Variants in TNRC6A observed in about 807,000 individuals in gnomAD.
The protein encoded by TNRC6A is trinucleotide repeat-containing gene 6A protein.
Under a neutral mutation model 221.2 loss-of-function variants are expected in TNRC6A, and 44 were observed. That is an observed-to-expected ratio of 0.20 (90% CI 0.16 to 0.26). The LOEUF is 0.26. Among genes scored for constraint, TNRC6A ranks in the 10% least tolerant of loss-of-function variants. TNRC6A has a pLI of 1.00. For synonymous variants in TNRC6A, 847 were observed against 838.5 expected (o/e 1.01, Z -0.18); for missense variants, 2,199 against 2,404.4 (o/e 0.91, Z 1.79).
At chr16:24,690,748 T>C (rs1362540745) in intron 2 of TNRC6A, among the ~76,000 whole-genome samples, 1 of 151,978 alleles carries the variant, frequency 6.6e-6, no homozygotes, top group African/African-American at 2.4e-5. Flanking sequence ...CAAGCAACTA[T>C]AATCACTAGT....
intron 2 of TNRC6A, among the ~76,000 whole-genome samples, chr16:24,709,100 TACA>T (rs1206794355): frequency 2.0e-5 from 3 of 151,990 alleles, no homozygotes; most frequent in Admixed American, 6.6e-5. Flanking sequence ...CTACTAAAAA[TACA>T]ACAATTAGCC....
chr16:24,620,932 A>G (rs1900636684), intron 1 of TNRC6A, among the ~76,000 whole-genome samples: 1 of 151,610 alleles, frequency 6.6e-6, no homozygotes, highest in Admixed American at 6.6e-5. Context: ...AAAAATATAA[A>G]AATTAGCTGG....
chr16:24,670,677 A>T (rs1420269721), intron 2 of TNRC6A, among the ~76,000 whole-genome samples: 1 of 151,986 alleles, frequency 6.6e-6, no homozygotes, highest in Admixed American at 6.6e-5. Context: ...CTCTCATTTC[A>T]CTGAAGAAAT....
At chr16:24,708,124 T>C (rs2056133631) in intron 2 of TNRC6A, among the ~76,000 whole-genome samples, 1 of 151,932 alleles carries the variant, frequency 6.6e-6, no homozygotes, top group Non-Finnish European at 1.5e-5. Flanking sequence ...CATAAATTGC[T>C]GGTGAGGATG....
chr16:24,785,871 G>A (rs1164522535), intron 5 of TNRC6A, among the ~76,000 whole-genome samples: 1 of 152,182 alleles, frequency 6.6e-6, no homozygotes, highest in East Asian at 1.9e-4. Flanking sequence ...AGTGACAAGG[G>A]CTGGACTGTC....
chr16:24,656,598 G>A (rs1337587747), intron 2 of TNRC6A, among the ~76,000 whole-genome samples: 1 of 151,896 alleles, frequency 6.6e-6, no homozygotes, highest in Non-Finnish European at 1.5e-5. Flanking sequence ...GGCAGAAATT[G>A]CACAAGTCAA....
intron 22 of TNRC6A, 164 bp from the exon 23 acceptor site, chr16:24,821,912 TG>T: frequency 1.5e-6 from 1 of 645,740 alleles, no homozygotes; most frequent in Non-Finnish European, 2.8e-6. Flanking sequence ...AGTTAATGCC[TG>T]GCCATGGCTA....
At chr16:24,770,614 T>A (rs759132260) in intron 4 of TNRC6A, among the ~76,000 whole-genome samples, 6 of 152,194 alleles carry the variant, frequency 3.9e-5, no homozygotes, top group Non-Finnish European at 7.3e-5. Context: ...TTACCTAAAA[T>A]GAAGTTTCTC....
chr16:24,655,531 A>G (rs2054892361), intron 2 of TNRC6A, among the ~76,000 whole-genome samples: 1 of 152,078 alleles, frequency 6.6e-6, no homozygotes, highest in Non-Finnish European at 1.5e-5. Flanking sequence ...TCTACTAAAA[A>G]TACAAAAGTT....
rs200381439 is a variant in TNRC6A at position 24,816,779 on chromosome 16, A to G, written c.4832-37A>G. On this transcript the variant is annotated intron_variant, in intron 19 of 24. Coordinates refer to ENST00000395799, the MANE Select transcript of TNRC6A (RefSeq NM_014494.4). ...TTTATTAATGGATTTTAAAATGATG[A>G]TTAAGCTTTGAACTAATTTTAAATT... The G allele has an allele frequency of 3.2e-4, 508 of 1,589,128 alleles. 5 individuals are homozygous for G. In the South Asian group the frequency reaches 4.7e-3, roughly 15 times the overall value.
chr16:24,611,976 C>T (rs550018375), intron 1 of TNRC6A, among the ~76,000 whole-genome samples: 4 of 152,232 alleles, frequency 2.6e-5, no homozygotes, highest in African/African-American at 9.6e-5. Flanking sequence ...CATCTGTAAT[C>T]CCAGCTACTC....
chr16:24,804,933 T>C, intron 13 of TNRC6A, 81 bp from the exon 14 acceptor site: 4 of 1,613,622 alleles, frequency 2.5e-6, no homozygotes, highest in Non-Finnish European at 3.4e-6. Flanking sequence ...AGTTACTGTG[T>C]TTAAATCATA....
At chr16:24,629,563 G>A (rs1901223854) in intron 1 of TNRC6A, among the ~76,000 whole-genome samples, 1 of 152,088 alleles carries the variant, frequency 6.6e-6, no homozygotes, top group African/African-American at 2.4e-5. Flanking sequence ...ATCTCCAGTT[G>A]ACCGCCCAGT....
chr16:24,716,976 A>G (rs1358935233), intron 2 of TNRC6A, among the ~76,000 whole-genome samples: 2 of 144,934 alleles, frequency 1.4e-5, no homozygotes, highest in African/African-American at 5.0e-5. Flanking sequence ...AAAGAAAAAA[A>G]AAAAAAAGAA....
rs187068645 is a variant in TNRC6A, at chr16:24,637,576, A to G, written n.277-3308A>G. On this transcript the variant is annotated intron_variant and non_coding_transcript_variant, in intron 1 of 2. Coordinates refer to the TNRC6A transcript ENST00000566108. The stretch of plus-strand genomic sequence containing the variant: ...GTAAGGAAGGAGGAAGGGAAATGTT[A>G]TTGGAAGTGAGGGAACCACAGTTAC... Among the ~76,000 whole-genome samples the G allele has an allele frequency of 1.9e-3, 295 of 152,250 alleles. 1 individual carries two copies. The highest frequency in any genetic ancestry group is 3.5e-3 in the Non-Finnish European group (240 of 68,020).
chr16:24,808,784 T>C (rs2058484984), intron 17 of TNRC6A, among the ~76,000 whole-genome samples: 1 of 152,244 alleles, frequency 6.6e-6, no homozygotes, highest in Non-Finnish European at 1.5e-5. Context: ...TCTTCATTTT[T>C]AAACAAGCGT....
intron 2 of TNRC6A, among the ~76,000 whole-genome samples, chr16:24,739,982 A>G (rs1350923808): frequency 6.6e-6 from 1 of 152,220 alleles, no homozygotes; most frequent in Non-Finnish European, 1.5e-5. Flanking sequence ...TGCATATGGC[A>G]TGAGGGCTCC....
intron 6 of TNRC6A, among the ~76,000 whole-genome samples, chr16:24,793,106 T>TA (rs943054294): frequency 6.6e-6 from 1 of 152,170 alleles, no homozygotes; most frequent in Non-Finnish European, 1.5e-5. Flanking sequence ...ATGTTATACA[T>TA]ACACTGTCAC....
At chr16:24,822,203 AG>A in intron 23 of TNRC6A, 56 bp downstream of exon 23, 1 of 1,569,888 alleles carries the variant, frequency 6.4e-7, no homozygotes, top group Non-Finnish European at 8.8e-7. Context: ...ATGGGAACAG[AG>A]GTTCGGGTCT....
Sources: allele counts gnomAD v4.1 joint callset (sites outside exome capture counted in the v4.1 genomes callset), GRCh38; gene constraint gnomAD v4.1.1; transcripts MANE v1.5; gene names NCBI Gene and HGNC (gene_info 2026-07-23, HGNC 2026-07-21).